Variants in ATP8A1 observed in about 807,000 individuals in gnomAD.
ATP8A1 encodes ATPase phospholipid transporting 8A1.
In ATP8A1, 90 loss-of-function variants were observed where a neutral mutation model predicts 177.7. The ratio of observed to expected loss-of-function variants is 0.51; its 90% CI spans 0.43 to 0.60. The LOEUF is 0.60. Ranked by LOEUF, ATP8A1 falls within the 20% of genes least tolerant of loss-of-function variation. The pLI is 0.00. For synonymous variants in ATP8A1, 493 were observed against 485.9 expected, an observed-to-expected ratio of 1.01 and a Z score of -0.19; for missense variants, 1,072 against 1,392.8, an observed-to-expected ratio of 0.77 and a Z score of 3.67.
At chr4:42,498,937 C>A (rs1657908586) in intron 24 of ATP8A1, among the ~76,000 whole-genome samples, 1 of 152,136 alleles carries the variant, frequency 6.6e-6, no homozygotes, top group African/African-American at 2.4e-5. Flanking sequence ...CTTCTAGATT[C>A]TTTATCTGTA....
rs1361747085 is a variant in ATP8A1, at chr4:42,575,035, A to G, written c.1207-328T>C. Among the ~76,000 whole-genome samples the G allele has an allele frequency of 3.3e-5, 5 of 152,206 alleles. No homozygotes were observed. The East Asian group carries it at 5.8e-4, about 18-fold the overall frequency. ...CTGAAACAGCTATCAGCATTTCTCA[A>G]TGCAACAGGCAATTGTAGAATTTGT... is the stretch of plus-strand genomic sequence containing the variant. On this transcript the variant is annotated intron_variant, in intron 13 of 36. Transcript: ENST00000381668.
At chr4:42,493,113 T>C (rs541578995) in intron 24 of ATP8A1, among the ~76,000 whole-genome samples, 1 of 152,176 alleles carries the variant, frequency 6.6e-6, no homozygotes, top group Non-Finnish European at 1.5e-5. Flanking sequence ...CGTGCAGTCA[T>C]AAAAAAGTGA....
chr4:42,471,558 T>C (rs781477459), intron 25 of ATP8A1, among the ~76,000 whole-genome samples: 4 of 152,258 alleles, frequency 2.6e-5, no homozygotes, highest in East Asian at 1.9e-4. Flanking sequence ...TATTTGATTA[T>C]GCATGTATGT....
chr4:42,420,485 T>G (rs1029173615), intron 35 of ATP8A1, among the ~76,000 whole-genome samples: 6 of 152,208 alleles, frequency 3.9e-5, no homozygotes, highest in African/African-American at 1.4e-4. Flanking sequence ...CTTTCCTTTT[T>G]GGGCTCTCTG....
chr4:42,575,883 A>G (rs6839779), intron 12 of ATP8A1, among the ~76,000 whole-genome samples, 184 bp from the exon 13 acceptor site: 40,797 of 152,142 alleles, frequency 0.27, 5,659 homozygotes, highest in Non-Finnish European at 0.31. Flanking sequence ...TATTCAATAC[A>G]GACTACTATA....
chr4:42,551,932 C>T (rs1200180767), intron 17 of ATP8A1, among the ~76,000 whole-genome samples: 2 of 152,136 alleles, frequency 1.3e-5, no homozygotes, highest in Admixed American at 1.3e-4. Flanking sequence ...ATCAAACTGA[C>T]TATCTGCCCA....
chr4:42,594,316 G>A (rs1478562001), intron 6 of ATP8A1: 2 of 1,603,850 alleles, frequency 1.2e-6, no homozygotes, highest in African/African-American at 1.3e-5. Context: ...AGTGTCAGCA[G>A]GTATATACTC....
rs559676016 is a variant in ATP8A1 at position 42,598,845 on chromosome 4, T to C, written c.450+1633A>G. The stretch of plus-strand genomic sequence containing the variant: ...ATGATTTCATCACTGAACCAACTTT[T>C]AGTGATTCTAATTACTTCTATAATT... On this transcript the variant is annotated intron_variant, in intron 6 of 36. Transcript: ENST00000381668. Among the ~76,000 whole-genome samples, 481 of 152,300 alleles carry C rather than the reference T, an allele frequency of 3.2e-3. 2 individuals carry two copies. The highest frequency in any genetic ancestry group is 0.011 in the African/African-American group (453 of 41,580).
intron 27 of ATP8A1, among the ~76,000 whole-genome samples, chr4:42,460,667 G>A (rs978315108): frequency 1.4e-4 from 21 of 152,226 alleles, no homozygotes; most frequent in African/African-American, 3.6e-4. Context: ...GATTACAGGC[G>A]TGAGCCAACG....
At chr4:42,458,323 A>T (rs1429689079) in intron 27 of ATP8A1, among the ~76,000 whole-genome samples, 1 of 152,228 alleles carries the variant, frequency 6.6e-6, no homozygotes, top group African/African-American at 2.4e-5. Context: ...CAGGGAATTC[A>T]ACTCCCAGCA....
rs144950668 is a variant in ATP8A1, at chr4:42,623,410, C to T, written c.363+1126G>A. 8.8e-3 allele frequency among the ~76,000 whole-genome samples: 1,345 copies of T among 152,242 alleles called. 20 individuals are homozygous for T. The highest frequency in any genetic ancestry group is 0.03 in the African/African-American group (1,264 of 41,524). On this transcript the variant is annotated intron_variant, in intron 4 of 36. Transcript: ENST00000381668. ...ATATGCATATGTATGTTCATTTCAG[C>T]CCTATTCACAATAGCAAAGACATGA...
At chr4:42,635,772 C>CATATAT (rs1739227154) in intron 1 of ATP8A1, among the ~76,000 whole-genome samples, 2 of 50,488 alleles carry the variant, frequency 4.0e-5, no homozygotes, top group African/African-American at 7.8e-5. Flanking sequence ...CACACACACA[C>CATATAT]ACACACACAC....
At chr4:42,481,781 T>C (rs1721696506) in intron 25 of ATP8A1, among the ~76,000 whole-genome samples, 1 of 152,198 alleles carries the variant, frequency 6.6e-6, no homozygotes. Context: ...GTACTTCTTC[T>C]GGAAGGAATG....
chr4:42,572,598 A>G (rs1732017600), intron 14 of ATP8A1, among the ~76,000 whole-genome samples: 1 of 152,230 alleles, frequency 6.6e-6, no homozygotes, highest in Non-Finnish European at 1.5e-5. Flanking sequence ...ATACACAAAC[A>G]TGATCACTGG....
At position 42,414,704 on chromosome 4, in the gene ATP8A1, G is replaced by A; in HGVS notation, c.3320C>T (p.Ala1107Val). 6.2e-7 allele frequency: 1 copy of A among 1,613,748 alleles called. No homozygotes were observed. The highest frequency in any genetic ancestry group is 8.5e-7 in the Non-Finnish European group (1 of 1,179,744). ...CTTAAAGACGTTCTTGAGCAGTTGC[G>A]CCCTCTCGGTCAGGCTGCAGAGCAG... ...VVLGKSLTER[A>V]QLLKNVFKKN... The change falls in exon 36 of 37, where the codon GCG (alanine) becomes GTG (valine). Residue 1107 changes from alanine (A) to valine (V), a missense_variant. By Grantham distance (64) the Ala-to-Val change is moderately conservative (BLOSUM62 0). Around this residue, in one of 5 missense-constraint regions of ATP8A1, gnomAD observed 316 missense variants for 459.1 expected, o/e 0.69. Transcript: ENST00000381668.
chr4:42,561,001 A>G (rs1730760751), intron 15 of ATP8A1, among the ~76,000 whole-genome samples: 1 of 152,212 alleles, frequency 6.6e-6, no homozygotes, highest in Admixed American at 6.5e-5. Flanking sequence ...TAACATGGAT[A>G]GATAATGGAG....
intron 5 of ATP8A1, among the ~76,000 whole-genome samples, chr4:42,613,709 G>A (rs1736607714): frequency 1.3e-5 from 2 of 151,852 alleles, no homozygotes; most frequent in African/African-American, 2.4e-5. Flanking sequence ...TCAGCCTCCC[G>A]AATAGCTGGG....
At chr4:42,595,806 C>T (rs1276991718) in intron 6 of ATP8A1, among the ~76,000 whole-genome samples, 2 of 152,192 alleles carry the variant, frequency 1.3e-5, no homozygotes, top group Non-Finnish European at 2.9e-5. Flanking sequence ...AACAGTCAGA[C>T]TTAAACAAAT....
At chr4:42,644,392 A>G (rs1422424297) in intron 1 of ATP8A1, among the ~76,000 whole-genome samples, 1 of 152,256 alleles carries the variant, frequency 6.6e-6, no homozygotes, top group African/African-American at 2.4e-5. Flanking sequence ...GACAGAAATC[A>G]GTTGCCATCT....
Sources: allele counts gnomAD v4.1 joint callset (sites outside exome capture counted in the v4.1 genomes callset), GRCh38; gene constraint gnomAD v4.1.1; regional missense constraint gnomAD v4.1.1; transcripts MANE v1.5; gene names NCBI Gene and HGNC (gene_info 2026-07-23, HGNC 2026-07-21).